The following BCAS4 variants were observed in gnomAD, a reference collection of about 807,000 sequenced individuals.
BCAS4 encodes breast carcinoma amplified sequence 4.
Under a neutral mutation model 15.7 loss-of-function variants are expected in BCAS4, and 9 were observed. That is an observed-to-expected ratio of 0.57 (90% CI 0.34 to 1.00). The LOEUF (loss-of-function observed/expected upper bound fraction) is 1.00. BCAS4 is among the 50% of genes least tolerant of loss of function. The pLI, the probability that BCAS4 is intolerant of heterozygous loss-of-function variation, is 0.02. For synonymous variants in BCAS4, 101 were observed against 99.5 expected, an observed-to-expected ratio of 1.02 and a Z score of -0.09; for missense variants, 225 against 239.1, an observed-to-expected ratio of 0.94 and a Z score of 0.39.
chr20:50,797,180 T>A (rs889709677), intron 1 of BCAS4, among the ~76,000 whole-genome samples: 4 of 152,164 alleles, frequency 2.6e-5, no homozygotes, highest in Non-Finnish European at 2.9e-5. Context: ...GCTGCTGTAA[T>A]ACTGTCCTGC....
In BCAS4 at chr20:50,838,436, G is replaced by A. The variant is rs1015028489; in HGVS notation, c.265-3330G>A. ...TGGAAGCCAGAAAGACAGACTCGGCGCAGTGGCTCACCCCTGTAATCCCAG... is the reference window on the plus strand; with the variant it reads ...TGGAAGCCAGAAAGACAGACTCGGCACAGTGGCTCACCCCTGTAATCCCAG... On this transcript the variant is annotated intron_variant, in intron 3 of 4. Coordinates refer to ENST00000371608, the MANE Select transcript of BCAS4 (RefSeq NM_198799.4). Among the ~76,000 whole-genome samples the A allele has an allele frequency of 3.3e-5, 5 of 152,194 alleles. No individual in the cohort carries two copies. The East Asian group carries it at 9.6e-4, about 29-fold the overall frequency.
chr20:50,841,490 T>G (rs558726475), intron 3 of BCAS4, among the ~76,000 whole-genome samples: 1 of 152,280 alleles, frequency 6.6e-6, no homozygotes, highest in African/African-American at 2.4e-5. Flanking sequence ...CCAGCCTCTC[T>G]GAGCCTTGAT....
At chr20:50,854,636 G>T (rs921313052) in intron 4 of BCAS4, among the ~76,000 whole-genome samples, 3 of 152,164 alleles carry the variant, frequency 2.0e-5, no homozygotes, top group Non-Finnish European at 4.4e-5. Context: ...TGAGCTCCAG[G>T]CTGCCTGAAG....
chr20:50,820,951 A>G (rs2088206409), intron 2 of BCAS4, among the ~76,000 whole-genome samples: 3 of 152,206 alleles, frequency 2.0e-5, no homozygotes, highest in African/African-American at 7.2e-5. Flanking sequence ...TTTCATGTGA[A>G]AAATCTAGAG....
intron 1 of BCAS4, among the ~76,000 whole-genome samples, chr20:50,810,705 C>T (rs892872448): frequency 6.6e-6 from 1 of 151,096 alleles, no homozygotes; most frequent in Non-Finnish European, 1.5e-5. Flanking sequence ...GTTTTCCTGG[C>T]GCAGCCTCCC....
At chr20:50,841,702 G>A (rs965844636) in intron 3 of BCAS4, 64 bp from the exon 4 acceptor site, 2 of 1,609,300 alleles carry the variant, frequency 1.2e-6, no homozygotes, top group Admixed American at 1.7e-5. Context: ...AGCCCAGGGA[G>A]TGTGGCCAGG....
At chr20:50,833,256 C>T (rs1600869731) in intron 3 of BCAS4, among the ~76,000 whole-genome samples, 1 of 152,040 alleles carries the variant, frequency 6.6e-6, no homozygotes, top group Non-Finnish European at 1.5e-5. Context: ...CCAGTGGGGC[C>T]GAAGAAACTG....
chr20:50,817,142 T>G, intron 1 of BCAS4, among the ~76,000 whole-genome samples: 1 of 151,948 alleles, frequency 6.6e-6, no homozygotes, highest in Non-Finnish European at 1.5e-5. Context: ...CTCACCATGT[T>G]GCCCAGACTG....
At chr20:50,861,203 T>C (rs918110840) in intron 4 of BCAS4, among the ~76,000 whole-genome samples, 2 of 152,114 alleles carry the variant, frequency 1.3e-5, no homozygotes, top group Non-Finnish European at 2.9e-5. Flanking sequence ...GCGTCTCCTG[T>C]GCGGCAGATG....
intron 3 of BCAS4, among the ~76,000 whole-genome samples, chr20:50,838,851 A>G (rs1447514152): frequency 6.6e-6 from 1 of 152,088 alleles, no homozygotes; most frequent in Non-Finnish European, 1.5e-5. Context: ...CTTAAAAAAA[A>G]CAAAACAAAC....
At chr20:50,875,450 AGAT>A (rs1979874888) in intron 4 of BCAS4, among the ~76,000 whole-genome samples, 2 of 152,284 alleles carry the variant, frequency 1.3e-5, no homozygotes, top group African/African-American at 4.8e-5. Flanking sequence ...CAGGCAGCAC[AGAT>A]GGGTACACAG....
chr20:50,877,738 T>A (rs945215495), downstream of BCAS4: 3 of 151,992 alleles, frequency 2.0e-5, no homozygotes, highest in Admixed American at 2.0e-4. Context: ...CCCAAAAAAG[T>A]TTTTCAAGGA....
At chr20:50,862,861 G>A (rs1239284949) in intron 4 of BCAS4, among the ~76,000 whole-genome samples, 1 of 151,994 alleles carries the variant, frequency 6.6e-6, no homozygotes, top group East Asian at 1.9e-4. Context: ...TGTTTTTGAG[G>A]CAGAGTCTCA....
chr20:50,815,129 A>G (rs2088122416), intron 1 of BCAS4, among the ~76,000 whole-genome samples: 1 of 152,206 alleles, frequency 6.6e-6, no homozygotes, highest in African/African-American at 2.4e-5. Flanking sequence ...TGGCAGTGAA[A>G]TGCAGAGGTT....
chr20:50,846,960 TCTGA>T (rs1194443331), intron 4 of BCAS4, among the ~76,000 whole-genome samples: 8 of 151,248 alleles, frequency 5.3e-5, no homozygotes, highest in African/African-American at 1.9e-4. Flanking sequence ...CCTCAGAGAG[TCTGA>T]CTGAGTCAGT....
chr20:50,840,393 C>T lies in BCAS4; in HGVS notation c.265-1373C>T, dbSNP rs58993650. On this transcript the variant is annotated intron_variant, in intron 3 of 4. Transcript: ENST00000371608. Reference sequence around the variant, plus strand: ...TGTTGTCCCACCCCACTTCTTCCTTCACCAACATGCAAGTTCTTTCCTTCC... The same window carrying T: ...TGTTGTCCCACCCCACTTCTTCCTTTACCAACATGCAAGTTCTTTCCTTCC... The T allele has an allele frequency of 3.2e-3, 1,936 of 614,392 alleles. 37 individuals carry two copies. In the African/African-American group the frequency reaches 0.033, roughly 10 times the overall value. 38.1% of individuals were successfully genotyped at this position (614,392 alleles called of 1,614,324 possible).
At chr20:50,853,533 C>G (rs1472371749) in intron 4 of BCAS4, among the ~76,000 whole-genome samples, 1 of 152,084 alleles carries the variant, frequency 6.6e-6, no homozygotes, top group Non-Finnish European at 1.5e-5. Context: ...AATGCAAACC[C>G]CATTCGCCCT....
intron 1 of BCAS4, among the ~76,000 whole-genome samples, chr20:50,796,011 G>A (rs1439882825): frequency 1.3e-5 from 2 of 151,580 alleles, no homozygotes; most frequent in Non-Finnish European, 2.9e-5. Context: ...GATAGGGGAC[G>A]GGGAAGAGTG....
rs528585414 is a variant in BCAS4 at position 50,812,284 on chromosome 20, T to C, written c.91-5927T>C. Reference sequence around the variant, plus strand: ...AGTAGCTGGGACTACAGGCGCCCACTACCACGCCCGGCTAATTTTTTGTAT... The same window carrying C: ...AGTAGCTGGGACTACAGGCGCCCACCACCACGCCCGGCTAATTTTTTGTAT... On this transcript the variant is annotated intron_variant, in intron 1 of 4. Transcript: ENST00000371608. Among the ~76,000 whole-genome samples the C allele has an allele frequency of 4.4e-4, 67 of 151,778 alleles. 1 individual carries two copies. The East Asian group carries it at 0.011, about 26-fold the overall frequency.
Sources: gnomAD v4.1 joint callset for allele counts (sites outside exome capture counted in the v4.1 genomes callset) on GRCh38, gnomAD v4.1.1 for gene constraint, MANE v1.5 for transcripts, NCBI Gene and HGNC (gene_info 2026-07-23, HGNC 2026-07-21) for gene names.